The following CYP4F22 variants were observed in gnomAD, a reference collection of about 807,000 sequenced individuals.
The protein encoded by CYP4F22 is ultra-long-chain fatty acid omega-hydroxylase.
Under a neutral mutation model 60.4 loss-of-function variants are expected in CYP4F22, and 37 were observed. The observed-to-expected ratio is 0.61, with a 90% confidence interval of 0.47 to 0.81. The LOEUF (loss-of-function observed/expected upper bound fraction) is 0.81. Among genes scored for constraint, CYP4F22 ranks in the 30% least tolerant of loss-of-function variants. The probability of loss-of-function intolerance (pLI) is 0.00; values close to 1 mark genes in which losing one functional copy is unlikely to be tolerated. For missense variants in CYP4F22, 655 were observed against 715.0 expected, an observed-to-expected ratio of 0.92 and a Z score of 0.96; for synonymous variants, 258 against 280.5, an observed-to-expected ratio of 0.92 and a Z score of 0.80.
At chr19:15,531,722 G>C (rs887055981) in intron 4 of CYP4F22, among the ~76,000 whole-genome samples, 17 of 152,142 alleles carry the variant, frequency 1.1e-4, no homozygotes, top group Admixed American at 9.8e-4. Context: ...GCACATGCTT[G>C]CTGTGAGACC....
intron 8 of CYP4F22, among the ~76,000 whole-genome samples, chr19:15,543,617 G>A (rs1356294208): frequency 6.6e-6 from 1 of 152,140 alleles, no homozygotes; most frequent in African/African-American, 2.4e-5. Context: ...AGCACTTTGG[G>A]AGGATGAGGC....
chr19:15,544,030 G>C lies in CYP4F22; in HGVS notation c.999G>C (p.Met333Ile). ...EDIRAEADTFMFEGHDTTSSG... is the reference protein window; with the variant it reads ...EDIRAEADTFIFEGHDTTSSG... ...TCCGAGCCGAAGCAGACACCTTCAT[G>C]TTTGAGGGTGAGGATGTGGGGTGAG... is the stretch of plus-strand genomic sequence containing the variant. Residue 333 changes from methionine to isoleucine, a missense_variant, in exon 9 of 14, where the codon ATG becomes ATC. Met to Ile is a conservative substitution (Grantham distance 10). Around this residue, in one of 3 missense-constraint regions of CYP4F22, gnomAD observed 430 missense variants for 457.1 expected, o/e 0.94. Coordinates refer to ENST00000269703, the MANE Select transcript of CYP4F22 (RefSeq NM_173483.4). 1 of 1,614,110 alleles carries C rather than the reference G, an allele frequency of 6.2e-7. No individual in the cohort carries two copies. The highest frequency in any genetic ancestry group is 1.1e-5 in the South Asian group (1 of 91,082).
chr19:15,521,666 T>C (rs2144507672), intron 1 of CYP4F22, among the ~76,000 whole-genome samples: 1 of 152,254 alleles, frequency 6.6e-6, no homozygotes, highest in South Asian at 2.1e-4. Flanking sequence ...GGTAATTCTA[T>C]GTTTAATTTT....
chr19:15,519,452 G>A (rs1199261303), intron 1 of CYP4F22, among the ~76,000 whole-genome samples: 4 of 151,996 alleles, frequency 2.6e-5, no homozygotes, highest in Admixed American at 6.6e-5. Flanking sequence ...TAGTAGAGAT[G>A]GGGTTTTGCC....
chr19:15,540,849 C>G, intron 8 of CYP4F22, 132 bp downstream of exon 8: 1 of 1,168,236 alleles, frequency 8.6e-7, no homozygotes, highest in Non-Finnish European at 1.2e-6. Flanking sequence ...CTTTGGGAGG[C>G]CAAGGCGGGA....
At chr19:15,546,400 A>G (rs1480053329) in intron 10 of CYP4F22, among the ~76,000 whole-genome samples, 1 of 152,220 alleles carries the variant, frequency 6.6e-6, no homozygotes, top group Non-Finnish European at 1.5e-5. Context: ...CCTGGGCAAC[A>G]TGGTGAAACC....
chr19:15,533,235 C>A (rs1429082950), intron 4 of CYP4F22, among the ~76,000 whole-genome samples: 2 of 152,158 alleles, frequency 1.3e-5, no homozygotes, highest in Non-Finnish European at 2.9e-5. Flanking sequence ...GCTTTTATAT[C>A]ATCTTTTTAA....
chr19:15,526,219 T>A (rs1297012810), intron 3 of CYP4F22, among the ~76,000 whole-genome samples: 2 of 152,010 alleles, frequency 1.3e-5, no homozygotes, highest in African/African-American at 4.8e-5. Flanking sequence ...CACTGTACAA[T>A]AGGTACCTTT....
chr19:15,534,426 G>A (rs534720954), intron 4 of CYP4F22, among the ~76,000 whole-genome samples: 6 of 151,968 alleles, frequency 3.9e-5, no homozygotes, highest in Admixed American at 2.0e-4. Flanking sequence ...GGGGTATTTC[G>A]TACACCGTCT....
chr19:15,547,971 G>A, intron 10 of CYP4F22, 137 bp from the exon 11 acceptor site: 1 of 808,138 alleles, frequency 1.2e-6, no homozygotes. Context: ...CTGCCCCTGA[G>A]AGAGAGAGAG....
chr19:15,537,559 G>C lies in CYP4F22; in HGVS notation c.446G>C (p.Gly149Ala), dbSNP rs751335732. The change falls in exon 6 of 14, where the codon GGT (glycine) becomes GCT (alanine). Residue 149 changes from glycine to alanine, a missense_variant. This residue lies in a region of CYP4F22 where 430 missense variants were observed against 457.1 expected (regional missense o/e 0.94). Transcript: ENST00000269703. ...GGGGATGGGCTGCTGCTCAGCAAAG[G>C]TGACAAGTGGAGCCGGCACCGTCGC... ...WLGDGLLLSK[G>A]DKWSRHRRLL... is the part of the protein sequence containing the mutation. The C allele has an allele frequency of 1.9e-6, 3 of 1,614,054 alleles. No homozygotes were observed. In the African/African-American group the frequency reaches 4.0e-5, roughly 22 times the overall value.
At chr19:15,517,198 T>C (rs552023295) in intron 1 of CYP4F22, among the ~76,000 whole-genome samples, 3 of 152,278 alleles carry the variant, frequency 2.0e-5, no homozygotes, top group African/African-American at 4.8e-5. Context: ...GTGTTCTTGT[T>C]TGAGGGACAG....
intron 4 of CYP4F22, among the ~76,000 whole-genome samples, chr19:15,530,709 G>C (rs1437184828): frequency 6.6e-6 from 1 of 152,150 alleles, no homozygotes; most frequent in Non-Finnish European, 1.5e-5. Flanking sequence ...GAAGTGCCAA[G>C]TAAAAGGGGG....
chr19:15,522,750 G>T (rs866070010), intron 1 of CYP4F22, among the ~76,000 whole-genome samples: 1 of 151,840 alleles, frequency 6.6e-6, no homozygotes, highest in African/African-American at 2.4e-5. Context: ...TCACTCTATC[G>T]CCCAGGCTGG....
chr19:15,517,434 G>A (rs1191122249), intron 1 of CYP4F22, among the ~76,000 whole-genome samples: 1 of 152,180 alleles, frequency 6.6e-6, no homozygotes, highest in Non-Finnish European at 1.5e-5. Flanking sequence ...TCTGGTAGGG[G>A]GACGGGGAGG....
chr19:15,544,798 C>T (rs4809201), intron 10 of CYP4F22, among the ~76,000 whole-genome samples: 104,250 of 152,078 alleles, frequency 0.69, 36,342 homozygotes, highest in East Asian at 0.89. Context: ...GGGTGGCTCA[C>T]GCCTGTAATC....
chr19:15,552,215 G>T lies in CYP4F22; in HGVS notation c.*744G>T. 6.6e-6 allele frequency: 1 copy of T among 152,348 alleles called. No individual in the cohort carries two copies. Among genetic ancestry groups the T allele is most frequent in the Non-Finnish European group, 1.5e-5 (1 of 68,066 alleles). The allele number at this position is 152,348 out of a possible 1,614,324, so 9.4% of individuals were successfully genotyped here. On this transcript the variant is annotated 3_prime_UTR_variant, in exon 14 of 14. Coordinates refer to ENST00000269703, the MANE Select transcript of CYP4F22 (RefSeq NM_173483.4). ...GCTCAGCCAGATCCTTACACGTGGA[G>T]CCCCCAGCATGGGAATGAGGGGCTC... is the stretch of plus-strand genomic sequence containing the variant.
At chr19:15,516,829 G>GTTA in intron 1 of CYP4F22, 1 of 279,218 alleles carries the variant, frequency 3.6e-6, no homozygotes, top group Non-Finnish European at 6.1e-6. Context: ...CTGAAGAGAT[G>GTTA]TTATTCTTTT....
intron 1 of CYP4F22, among the ~76,000 whole-genome samples, chr19:15,518,443 A>G (rs1174307402): frequency 6.7e-6 from 1 of 150,104 alleles, no homozygotes; most frequent in Non-Finnish European, 1.5e-5. Flanking sequence ...GATCGAGACC[A>G]TCCTGGCTAA....
Sources: gnomAD v4.1 joint callset for allele counts (sites outside exome capture counted in the v4.1 genomes callset) on GRCh38, gnomAD v4.1.1 for gene constraint, gnomAD v4.1.1 regional missense constraint, MANE v1.5 for transcripts, NCBI Gene and HGNC (gene_info 2026-07-23, HGNC 2026-07-21) for gene names.